KICS2: variants seen among roughly 807,000 people sequenced by gnomAD.
KICS2 encodes KICSTOR complex protein C12orf66.
KICS2 carries 13 observed loss-of-function variants against 31.4 expected under a neutral mutation model. The observed-to-expected ratio is 0.41, with a 90% CI of 0.27 to 0.66. The LOEUF (loss-of-function observed/expected upper bound fraction) is 0.66. Ranked by LOEUF, KICS2 falls within the 30% of genes least tolerant of loss-of-function variation. The probability of loss-of-function intolerance (pLI) is 0.28; values close to 1 mark genes in which losing one functional copy is unlikely to be tolerated. For missense variants in KICS2, 455 were observed against 545.4 expected (o/e 0.83, Z 1.65); for synonymous variants, 209 against 214.8 (o/e 0.97, Z 0.24).
At chr12:64,214,006 T>C (rs1471412765) in intron 2 of KICS2, among the ~76,000 whole-genome samples, 3 of 152,204 alleles carry the variant, frequency 2.0e-5, no homozygotes, top group Non-Finnish European at 4.4e-5. Flanking sequence ...TAGGCTACCA[T>C]CATAGCCTGC....
chr12:64,196,562 C>T (rs1417599811), intron 2 of KICS2, among the ~76,000 whole-genome samples: 3 of 151,836 alleles, frequency 2.0e-5, no homozygotes, highest in African/African-American at 7.3e-5. Flanking sequence ...TCCAAAGGAA[C>T]ACAGTTCCTC....
intron 1 of KICS2, among the ~76,000 whole-genome samples, chr12:64,219,792 G>C (rs888125072): frequency 1.2e-4 from 19 of 152,160 alleles, no homozygotes; most frequent in African/African-American, 4.3e-4. Flanking sequence ...TCTCAGTAAG[G>C]CTAAAAAAAC....
At chr12:64,187,575 T>C, downstream of KICS2, 2 of 1,482,022 alleles carry the variant, frequency 1.3e-6, no homozygotes, top group Non-Finnish European at 1.8e-6. Flanking sequence ...CTATTTCTTC[T>C]GACTCATTTC....
intron 2 of KICS2, among the ~76,000 whole-genome samples, chr12:64,212,281 G>A (rs2037589332): frequency 1.3e-5 from 2 of 152,142 alleles, no homozygotes; most frequent in African/African-American, 4.8e-5. Context: ...CCCCAAAAAA[G>A]CAATCCTGTG....
chr12:64,207,254 G>A (rs2037547333), intron 2 of KICS2, among the ~76,000 whole-genome samples: 1 of 146,668 alleles, frequency 6.8e-6, no homozygotes, highest in South Asian at 2.2e-4. Flanking sequence ...CAGTGAGCTG[G>A]GATCAGGCCA....
intron 2 of KICS2, among the ~76,000 whole-genome samples, chr12:64,200,859 C>T (rs1055236421): frequency 2.2e-5 from 2 of 89,048 alleles, no homozygotes; most frequent in African/African-American, 9.6e-5. Context: ...AAAAAATGCT[C>T]ATCATCACTG....
intron 2 of KICS2, among the ~76,000 whole-genome samples, chr12:64,196,252 T>A (rs1343460426): frequency 2.0e-5 from 3 of 150,476 alleles, no homozygotes; most frequent in Non-Finnish European, 4.4e-5. Context: ...GCTGGAGATC[T>A]GAGAACCGGC....
At chr12:64,205,304 T>G (rs2037526272) in intron 2 of KICS2, among the ~76,000 whole-genome samples, 1 of 152,204 alleles carries the variant, frequency 6.6e-6, no homozygotes, top group South Asian at 2.1e-4. Flanking sequence ...TGCTCAACAC[T>G]TATTAAAGAT....
rs769547546 is a variant in KICS2 at position 64,194,094 on chromosome 12, G to C, written c.1086C>G (p.Pro362=). 6.2e-7 allele frequency: 1 copy of C among 1,614,138 alleles called. No homozygotes were observed. Among genetic ancestry groups the C allele is most frequent in the Non-Finnish European group, 8.5e-7 (1 of 1,180,032 alleles). Reference sequence around the variant, plus strand: ...GGTCCGTCATGATCATGATGACATTGGGCCAGTGCATGACTGGCCTGTCGC... The same window carrying C: ...GGTCCGTCATGATCATGATGACATTCGGCCAGTGCATGACTGGCCTGTCGC... ...LPSDRPVMHW[P]NVIMIMTDRT... The change falls in exon 3 of 3, where the codon CCC becomes CCG. Residue 362 remains proline, a synonymous_variant. Coordinates refer to ENST00000398055, the MANE Select transcript of KICS2 (RefSeq NM_152440.5).
chr12:64,196,141 G>A (rs577011868), intron 2 of KICS2, among the ~76,000 whole-genome samples: 58 of 152,178 alleles, frequency 3.8e-4, no homozygotes, highest in African/African-American at 1.4e-3. Context: ...TCCACCTCTG[G>A]GGGCAGGGCA....
rs1164068504 is a variant in KICS2, at chr12:64,192,518, G to A, written c.*1324C>T. On this transcript the variant is annotated 3_prime_UTR_variant, in exon 3 of 3. Coordinates refer to ENST00000398055, the MANE Select transcript of KICS2 (RefSeq NM_152440.5). ...TCTCTGGTCTCTGCTGATGTTGCTGGCATACCTGCTGTGGACACCCAGTAA... is the reference window on the plus strand; with the variant it reads ...TCTCTGGTCTCTGCTGATGTTGCTGACATACCTGCTGTGGACACCCAGTAA... The A allele has an allele frequency of 1.6e-5, 12 of 767,456 alleles. No individual in the cohort carries two copies. Among genetic ancestry groups the A allele is most frequent in the Non-Finnish European group, 1.7e-5 (11 of 631,424 alleles). 47.5% of individuals were successfully genotyped at this position (767,456 alleles called of 1,614,324 possible).
Position 64,213,291 on chromosome 12 carries a change from G to A in KICS2, c.521+2387C>T, listed in dbSNP as rs552920206. 3.3e-5 allele frequency among the ~76,000 whole-genome samples: 5 copies of A among 152,098 alleles called. No individual in the cohort carries two copies. The South Asian group carries it at 1.0e-3, about 32-fold the overall frequency. ...ATTGACTTACAAAATGATCAGCAAA[G>A]AGAAATTATTTATCTGGACTAGATA... is the stretch of plus-strand genomic sequence containing the variant. On this transcript the variant is annotated intron_variant, in intron 2 of 2. Transcript: ENST00000398055.
intron 2 of KICS2, among the ~76,000 whole-genome samples, chr12:64,208,537 CTTG>C (rs2037559037): frequency 6.6e-6 from 1 of 152,166 alleles, no homozygotes; most frequent in African/African-American, 2.4e-5. Context: ...AATAATTAAC[CTTG>C]TTAACTATAC....
At chr12:64,204,440 CAT>C (rs2037518864) in intron 2 of KICS2, among the ~76,000 whole-genome samples, 1 of 152,154 alleles carries the variant, frequency 6.6e-6, no homozygotes, top group African/African-American at 2.4e-5. Flanking sequence ...TTCCAGCTTA[CAT>C]GTTTAATTAA....
downstream of KICS2, chr12:64,187,547 C>T (rs534075164): frequency 2.4e-6 from 3 of 1,265,050 alleles, no homozygotes; most frequent in East Asian, 5.1e-5. Flanking sequence ...TCTCCAAAGG[C>T]AGAAATGCAC....
chr12:64,204,446 T>C (rs2037518919), intron 2 of KICS2, among the ~76,000 whole-genome samples: 1 of 152,220 alleles, frequency 6.6e-6, no homozygotes, highest in African/African-American at 2.4e-5. Flanking sequence ...CTTACATGTT[T>C]AATTAATTTG....
At chr12:64,213,502 C>T (rs571988568) in intron 2 of KICS2, among the ~76,000 whole-genome samples, 1 of 152,242 alleles carries the variant, frequency 6.6e-6, no homozygotes, top group East Asian at 1.9e-4. Flanking sequence ...TGCATAGTGT[C>T]TGGCACACAG....
intron 1 of KICS2, among the ~76,000 whole-genome samples, chr12:64,218,330 C>G (rs2037648957): frequency 6.6e-6 from 1 of 152,136 alleles, no homozygotes; most frequent in Admixed American, 6.5e-5. Context: ...GACTTGGTTT[C>G]AAACCCCAGC....
intron 2 of KICS2, among the ~76,000 whole-genome samples, chr12:64,202,788 C>G (rs1217710483): frequency 6.6e-6 from 1 of 151,902 alleles, no homozygotes; most frequent in Non-Finnish European, 1.5e-5. Context: ...TGTTCTACTT[C>G]ACATGTAATA....
Sources: gnomAD v4.1 joint callset for allele counts (sites outside exome capture counted in the v4.1 genomes callset) on GRCh38, gnomAD v4.1.1 for gene constraint, MANE v1.5 for transcripts, NCBI Gene and HGNC (gene_info 2026-07-23, HGNC 2026-07-21) for gene names.